ZNF331: variants seen among roughly 807,000 people sequenced by gnomAD.
ZNF331 encodes C2H2-like zinc finger protein rearranged in thyroid adenomas.
ZNF331 carries 2 observed loss-of-function variants against 7.0 expected under a neutral mutation model. That is an observed-to-expected ratio of 0.29 (90% CI 0.12 to 0.90). The LOEUF is 0.90. Among genes scored for constraint, ZNF331 ranks in the 40% least tolerant of loss-of-function variants. The pLI, the probability that ZNF331 is intolerant of heterozygous loss-of-function variation, is 0.58. For synonymous variants in ZNF331, 196 were observed against 205.4 expected, an observed-to-expected ratio of 0.95 and a Z score of 0.39; for missense variants, 432 against 587.7, an observed-to-expected ratio of 0.74 and a Z score of 2.74.
At chr19:53,557,773 G>A (rs1212021317) in intron 3 of ZNF331, among the ~76,000 whole-genome samples, 1 of 152,194 alleles carries the variant, frequency 6.6e-6, no homozygotes, top group Admixed American at 6.5e-5. Flanking sequence ...AAACCAGCCT[G>A]GCCAGCATGG....
intron 3 of ZNF331, among the ~76,000 whole-genome samples, chr19:53,566,496 A>G (rs2090162779): frequency 6.6e-6 from 1 of 152,168 alleles, no homozygotes; most frequent in African/African-American, 2.4e-5. Flanking sequence ...ATCAGGGTTC[A>G]TGCACACACT....
chr19:53,553,292 C>CAAAAAAAAAAA (rs978247227), intron 2 of ZNF331, among the ~76,000 whole-genome samples: 1 of 98,362 alleles, frequency 1.0e-5, no homozygotes, highest in Non-Finnish European at 2.1e-5. Flanking sequence ...AACTCCATCT[C>CAAAAAAAAAAA]AAAAAAAAAA....
intron 2 of ZNF331, among the ~76,000 whole-genome samples, chr19:53,545,538 TC>T (rs2088540215): frequency 1.3e-5 from 2 of 152,048 alleles, no homozygotes; most frequent in African/African-American, 4.8e-5. Flanking sequence ...CCAGACGGGG[TC>T]CCAGCTGGGG....
the ZNF331 span, among the ~76,000 whole-genome samples, chr19:53,508,602 C>T: frequency 1.3e-5 from 2 of 152,212 alleles, no homozygotes; most frequent in East Asian, 1.9e-4. Context: ...CTCTTCTTGA[C>T]AGCCTCCAGG....
intron 4 of ZNF331, among the ~76,000 whole-genome samples, chr19:53,569,787 G>A (rs940587008): frequency 1.3e-5 from 2 of 152,190 alleles, no homozygotes; most frequent in African/African-American, 4.8e-5. Context: ...GTCTGTCTTA[G>A]TATGTGCTCA....
At chr19:53,523,868 A>G (rs2087186904) in intron 2 of ZNF331, among the ~76,000 whole-genome samples, 1 of 151,704 alleles carries the variant, frequency 6.6e-6, no homozygotes, top group African/African-American at 2.4e-5. Context: ...GCACCCATCA[A>G]CTCGTCATTT....
upstream of ZNF331, among the ~76,000 whole-genome samples, chr19:53,519,329 C>T (rs2086983217): frequency 6.6e-6 from 1 of 152,154 alleles, no homozygotes; most frequent in Non-Finnish European, 1.5e-5. Flanking sequence ...TGCACCATTT[C>T]GGAAGCCCCC....
chr19:53,514,624 T>A (rs1469647477), upstream of ZNF331, among the ~76,000 whole-genome samples: 1 of 151,926 alleles, frequency 6.6e-6, no homozygotes, highest in East Asian at 1.9e-4. Flanking sequence ...CCAGGCATAG[T>A]TGCTTTTCTT....
At chr19:53,540,108 G>C (rs1366276286) in intron 2 of ZNF331, among the ~76,000 whole-genome samples, 2 of 152,196 alleles carry the variant, frequency 1.3e-5, no homozygotes, top group African/African-American at 4.8e-5. Context: ...CTTCAAAAGA[G>C]AGGAGCCTGG....
intron 5 of ZNF331, among the ~76,000 whole-genome samples, chr19:53,575,972 G>A (rs1177476726): frequency 3.4e-5 from 5 of 146,358 alleles, no homozygotes; most frequent in Admixed American, 1.4e-4. Context: ...GTGAGCCACC[G>A]TGCCCAGTCT....
intron 2 of ZNF331, among the ~76,000 whole-genome samples, chr19:53,554,099 C>G (rs1458420178): frequency 6.6e-6 from 1 of 152,188 alleles, no homozygotes; most frequent in East Asian, 1.9e-4. Flanking sequence ...CACCCCTTCC[C>G]GAAGCCCCTG....
chr19:53,506,476 CTCTCTGTCTG>C, the ZNF331 span, among the ~76,000 whole-genome samples: 2 of 134,366 alleles, frequency 1.5e-5, no homozygotes, highest in Admixed American at 7.4e-5. Context: ...CTCTCTCTCT[CTCTCTGTCTG>C]TCTCTCTCTC....
chr19:53,527,574 T>C (rs576459040), intron 2 of ZNF331, among the ~76,000 whole-genome samples: 1 of 152,336 alleles, frequency 6.6e-6, no homozygotes, highest in African/African-American at 2.4e-5. Context: ...AACATTTTGT[T>C]AACAGGTATG....
chr19:53,577,800 A>C lies in ZNF331; in HGVS notation c.1240A>C (p.Thr414Pro). 6.2e-7 allele frequency: 1 copy of C among 1,614,066 alleles called. No individual in the cohort carries two copies. Among genetic ancestry groups the C allele is most frequent in the Non-Finnish European group, 8.5e-7 (1 of 1,180,020 alleles). Reference sequence around the variant, plus strand: ...TACCGGGGTGAAACCCTATGGGTGTACAGAATGTGGGAAGAGCTTTAGTCA... The same window carrying C: ...TACCGGGGTGAAACCCTATGGGTGTCCAGAATGTGGGAAGAGCTTTAGTCA... ...IHTGVKPYGC[T>P]ECGKSFSHGH... The change falls in exon 6 of 6, where the codon ACA becomes CCA. Residue 414 changes from threonine to proline, a missense_variant. Physicochemically the swap from Thr to Pro is conservative, Grantham distance 38 (BLOSUM62 -1). This residue lies in a region of ZNF331 where 312 missense variants were observed against 448.6 expected (regional missense o/e 0.70). Coordinates refer to ENST00000449416, the MANE Select transcript of ZNF331 (RefSeq NM_001079906.2).
chr19:53,577,730 G>T lies in ZNF331; in HGVS notation c.1170G>T (p.Lys390Asn). 1 of 1,614,002 alleles carries T rather than the reference G, an allele frequency of 6.2e-7. No homozygotes were observed. The highest frequency in any genetic ancestry group is 8.5e-7 in the Non-Finnish European group (1 of 1,179,842). The change falls in exon 6 of 6, where the codon AAG becomes AAT. Residue 390 changes from lysine to asparagine, a missense_variant. This residue lies in a region of ZNF331 where 312 missense variants were observed against 448.6 expected (regional missense o/e 0.70). Transcript: ENST00000449416. The part of the protein sequence containing the change: ...ETPYKCKECG[K>N]AFIYGSSLVK... ...CGTATAAATGTAAGGAGTGTGGGAAGGCTTTCATTTATGGATCGAGCCTCG... is the reference window on the plus strand; with the variant it reads ...CGTATAAATGTAAGGAGTGTGGGAATGCTTTCATTTATGGATCGAGCCTCG...
chr19:53,523,073 G>T (rs962527070), intron 2 of ZNF331, among the ~76,000 whole-genome samples: 9 of 126,920 alleles, frequency 7.1e-5, no homozygotes, highest in African/African-American at 3.1e-4. Flanking sequence ...ATGACAAATT[G>T]TATTTATTGT....
In ZNF331 at chr19:53,579,879, A is replaced by T. The variant is rs1600534499; in HGVS notation, c.*1927A>T. 1 of 202,000 alleles carries T rather than the reference A, an allele frequency of 5.0e-6. No individual in the cohort carries two copies. Among genetic ancestry groups the T allele is most frequent in the Non-Finnish European group, 1.0e-5 (1 of 98,338 alleles). 12.5% of individuals were successfully genotyped at this position (202,000 alleles called of 1,614,324 possible). A position where few individuals can be genotyped will look rare whatever the true frequency, so the allele number is the denominator to read the frequency against. On this transcript the variant is annotated 3_prime_UTR_variant, in exon 6 of 6. Transcript: ENST00000449416. ...CACCTGACAAAGGAACTCTCATAGA[A>T]AATATAAAGAATCCCTCAAGTTGAA...
chr19:53,537,610 C>T (rs73051513), upstream of ZNF331: 11,057 of 152,420 alleles, frequency 0.073, 532 homozygotes, highest in Non-Finnish European at 0.11. Flanking sequence ...TGGGACCGTC[C>T]CGGACTACAT....
Position 53,560,213 on chromosome 19 carries a change from T to C in ZNF331, c.-74+4305T>C, listed in dbSNP as rs111212220. On this transcript the variant is annotated intron_variant, in intron 3 of 5. Transcript: ENST00000449416. The surrounding 1 kb of genome is among the most constrained non-coding windows in gnomAD (Gnocchi z 4.3). Reference sequence around the variant, plus strand: ...CACATATATACACACACCATATATATACACACATATATACACATCCACACC... The same window carrying C: ...CACATATATACACACACCATATATACACACACATATATACACATCCACACC... Among the ~76,000 whole-genome samples the C allele has an allele frequency of 2.4e-4, 35 of 148,722 alleles. No individual in the cohort carries two copies. The highest frequency in any genetic ancestry group is 5.3e-4 in the Admixed American group (8 of 14,994).
Sources: gnomAD v4.1 joint callset for allele counts (sites outside exome capture counted in the v4.1 genomes callset) on GRCh38, gnomAD v4.1.1 for gene constraint, gnomAD v4.1.1 regional missense constraint, Gnocchi (gnomAD v3.1) non-coding constraint, MANE v1.5 for transcripts, NCBI Gene and HGNC (gene_info 2026-07-23, HGNC 2026-07-21) for gene names.